SCLT1: variants seen among roughly 807,000 people sequenced by gnomAD.
SCLT1 encodes the protein sodium channel and clathrin linker 1.
A neutral mutation model predicts 112.8 loss-of-function variants in SCLT1; 78 were observed. That is an observed-to-expected ratio of 0.69 (90% CI 0.58 to 0.83). SCLT1 has a LOEUF of 0.83. Among genes scored for constraint, SCLT1 ranks in the 40% least tolerant of loss-of-function variants. The probability of loss-of-function intolerance (pLI) is 0.00; values close to 1 mark genes in which losing one functional copy is unlikely to be tolerated. For synonymous variants in SCLT1, 257 were observed against 254.7 expected (o/e 1.01, Z -0.09); for missense variants, 747 against 770.4 (o/e 0.97, Z 0.36).
chr4:129,015,136 G>A lies in SCLT1; in HGVS notation c.291-11260C>T, dbSNP rs72924154. Among the ~76,000 whole-genome samples, 715 of 152,280 alleles carry A rather than the reference G, an allele frequency of 4.7e-3. 4 individuals are homozygous for A. Among genetic ancestry groups the A allele is most frequent in the African/African-American group, 0.016 (655 of 41,530 alleles). On this transcript the variant is annotated intron_variant, in intron 5 of 20. Transcript: ENST00000281142. Reference sequence around the variant, plus strand: ...TCCCACCAAGGCTCTGTCTGCAATGGTGGTCAGCTACCAGAGGGGAGTGGA... The same window carrying A: ...TCCCACCAAGGCTCTGTCTGCAATGATGGTCAGCTACCAGAGGGGAGTGGA...
intron 18 of SCLT1, among the ~76,000 whole-genome samples, chr4:128,904,501 T>C (rs992648793): frequency 3.8e-4 from 58 of 152,292 alleles, no homozygotes; most frequent in African/African-American, 1.3e-3. Context: ...TGATATGCCA[T>C]CAGATTAGAC....
chr4:129,074,003 C>A (rs2125758952), intron 2 of SCLT1, among the ~76,000 whole-genome samples: 1 of 152,268 alleles, frequency 6.6e-6, no homozygotes, highest in Admixed American at 6.5e-5. Context: ...ATTTCATCTA[C>A]TCTTCAATGT....
At chr4:128,998,143 A>G (rs1440864071) in intron 7 of SCLT1, among the ~76,000 whole-genome samples, 1 of 151,904 alleles carries the variant, frequency 6.6e-6, no homozygotes. Flanking sequence ...GGCAATGCTG[A>G]AATTAATGTG....
Position 128,901,943 on chromosome 4 carries a change from G to T in SCLT1, c.1830-10806C>A, listed in dbSNP as rs536095007. Among the ~76,000 whole-genome samples the T allele has an allele frequency of 3.9e-5, 6 of 152,110 alleles. No individual in the cohort carries two copies. The East Asian group carries it at 9.7e-4, about 25-fold the overall frequency. ...TTTTTGTTTTTGTTTTGAGATGGGG[G>T]TCTTGCTCTATTGCCCAGGCTGGAG... On this transcript the variant is annotated intron_variant, in intron 18 of 20. Transcript: ENST00000281142.
chr4:128,969,023 A>G (rs537538891), intron 10 of SCLT1, among the ~76,000 whole-genome samples: 3 of 152,364 alleles, frequency 2.0e-5, no homozygotes, highest in South Asian at 2.1e-4. Flanking sequence ...TGATGCTTCA[A>G]TTGCACACAT....
At position 129,009,167 on chromosome 4, in the gene SCLT1, C is replaced by T. The variant is rs150951761; in HGVS notation, c.291-5291G>A. ...TATGGTAGAATGATTTCTATTACTT[C>T]GTTATATATCCAGTGATGGGATTGC... On this transcript the variant is annotated intron_variant, in intron 5 of 20. Coordinates refer to ENST00000281142, the MANE Select transcript of SCLT1 (RefSeq NM_144643.4). 5.1e-3 allele frequency among the ~76,000 whole-genome samples: 774 copies of T among 152,118 alleles called. 10 individuals are homozygous for T. Among genetic ancestry groups the T allele is most frequent in the African/African-American group, 0.017 (699 of 41,494 alleles).
At chr4:129,012,636 C>T (rs1744632346) in intron 5 of SCLT1, among the ~76,000 whole-genome samples, 1 of 151,756 alleles carries the variant, frequency 6.6e-6, no homozygotes, top group African/African-American at 2.4e-5. Context: ...ACTTCCACTA[C>T]TATTGTATGG....
At chr4:129,058,887 G>A (rs966455796) in intron 2 of SCLT1, among the ~76,000 whole-genome samples, 4 of 151,938 alleles carry the variant, frequency 2.6e-5, no homozygotes, top group Admixed American at 1.3e-4. Context: ...TTGATCACAG[G>A]ACTCCCTTTA....
rs540783852 is a variant in SCLT1, at chr4:129,087,659, C to T, written c.35-5286G>A. Among the ~76,000 whole-genome samples the T allele has an allele frequency of 3.4e-5, 5 of 147,298 alleles. No homozygotes were observed. In the South Asian group the frequency reaches 1.1e-3, roughly 31 times the overall value. On this transcript the variant is annotated intron_variant, in intron 1 of 20. Transcript: ENST00000281142. ...GTCCTAGCTACTCAAGAGGGTGAGGCAGGTGGAGGGCTTCAGCCTAGGAGT... is the reference window on the plus strand; with the variant it reads ...GTCCTAGCTACTCAAGAGGGTGAGGTAGGTGGAGGGCTTCAGCCTAGGAGT...
intron 16 of SCLT1, among the ~76,000 whole-genome samples, chr4:128,943,406 T>C (rs1737878732): frequency 6.6e-6 from 1 of 152,168 alleles, no homozygotes; most frequent in Admixed American, 6.5e-5. Flanking sequence ...AACAGATGAA[T>C]TGAACTGTTA....
intron 5 of SCLT1, among the ~76,000 whole-genome samples, chr4:129,013,296 A>G (rs1200517647): frequency 6.6e-6 from 1 of 152,170 alleles, no homozygotes; most frequent in African/African-American, 2.4e-5. Flanking sequence ...TAATTGAGGC[A>G]TTTAGCCCAT....
At chr4:129,001,707 A>C (rs924561866) in intron 6 of SCLT1, among the ~76,000 whole-genome samples, 1 of 152,072 alleles carries the variant, frequency 6.6e-6, no homozygotes, top group Non-Finnish European at 1.5e-5. Context: ...TGAAAATATT[A>C]AGCTAGGTAC....
chr4:128,893,686 G>A (rs1733505774), intron 18 of SCLT1, among the ~76,000 whole-genome samples: 1 of 151,904 alleles, frequency 6.6e-6, no homozygotes, highest in Non-Finnish European at 1.5e-5. Flanking sequence ...GGGACTACAG[G>A]CGCCCGCCAC....
intron 2 of SCLT1, among the ~76,000 whole-genome samples, chr4:129,081,403 T>C (rs1268669888): frequency 1.3e-5 from 2 of 152,198 alleles, no homozygotes; most frequent in Non-Finnish European, 2.9e-5. Flanking sequence ...CTCCTTTGTC[T>C]CCGCTGGACT....
At chr4:129,017,833 T>C (rs1745125687) in intron 5 of SCLT1, among the ~76,000 whole-genome samples, 1 of 152,250 alleles carries the variant, frequency 6.6e-6, no homozygotes, top group Non-Finnish European at 1.5e-5. Flanking sequence ...TCTGCATAAC[T>C]TCTTTTCTGC....
intron 2 of SCLT1, among the ~76,000 whole-genome samples, chr4:129,063,861 G>C (rs1014121072): frequency 6.6e-6 from 1 of 152,196 alleles, no homozygotes; most frequent in Non-Finnish European, 1.5e-5. Context: ...TGCACAGGTA[G>C]AAAAGCCAGG....
At chr4:128,978,395 T>C (rs1741365907) in intron 9 of SCLT1, among the ~76,000 whole-genome samples, 1 of 151,662 alleles carries the variant, frequency 6.6e-6, no homozygotes, top group African/African-American at 2.4e-5. Flanking sequence ...ATACTTTTCA[T>C]AGGTAGGATA....
At chr4:128,937,259 C>CAG (rs1409040024) in intron 17 of SCLT1, among the ~76,000 whole-genome samples, 1 of 133,418 alleles carries the variant, frequency 7.5e-6, no homozygotes, top group Non-Finnish European at 1.6e-5. Context: ...GCCTGGGTGA[C>CAG]AGAGTAAGAC....
At chr4:129,020,355 G>A (rs1477249515) in intron 5 of SCLT1, among the ~76,000 whole-genome samples, 1 of 152,196 alleles carries the variant, frequency 6.6e-6, no homozygotes, top group East Asian at 1.9e-4. Context: ...TTTGCCCAGA[G>A]CCCATGGCTC....
Sources: gnomAD v4.1 joint callset for allele counts (sites outside exome capture counted in the v4.1 genomes callset) on GRCh38, gnomAD v4.1.1 for gene constraint, MANE v1.5 for transcripts, NCBI Gene and HGNC (gene_info 2026-07-23, HGNC 2026-07-21) for gene names.